Variants in FER1L6 observed in about 807,000 individuals in gnomAD.
The protein encoded by FER1L6 is fer-1-like protein 6.
FER1L6 carries 177 observed loss-of-function variants against 219.2 expected under a neutral mutation model. The observed-to-expected ratio is 0.81, with a 90% CI of 0.71 to 0.91. The LOEUF is 0.91. FER1L6 is among the 40% of genes least tolerant of loss of function. The pLI, the probability that FER1L6 is intolerant of heterozygous loss-of-function variation, is 0.00. For missense variants in FER1L6, 2,153 were observed against 2,259.9 expected (o/e 0.95, Z 0.96); for synonymous variants, 768 against 824.3 (o/e 0.93, Z 1.17).
At position 123,966,404 on chromosome 8, in the gene FER1L6, C is replaced by T. The variant is rs1815544487; in HGVS notation, c.384+114C>T. On this transcript the variant is annotated intron_variant, in intron 5 of 40. Transcript: ENST00000522917. ...CCCCTCCTGCCTCCCTCCCTGGCCCCCAGTTAAGCCCATGGCAAACTGATT... is the reference window on the plus strand; with the variant it reads ...CCCCTCCTGCCTCCCTCCCTGGCCCTCAGTTAAGCCCATGGCAAACTGATT... 3.0e-6 allele frequency: 4 copies of T among 1,318,888 alleles called. No individual in the cohort carries two copies. In the Admixed American group the frequency reaches 6.4e-5, roughly 21 times the overall value. 81.7% of individuals were successfully genotyped at this position (1,318,888 alleles called of 1,614,324 possible).
intron 2 of FER1L6, among the ~76,000 whole-genome samples, chr8:123,958,654 T>A (rs1350558230): frequency 6.6e-6 from 1 of 151,970 alleles, no homozygotes; most frequent in Non-Finnish European, 1.5e-5. Flanking sequence ...ATTGGGACTA[T>A]GACTGAGGTA....
chr8:123,962,887 C>T (rs976641996), intron 2 of FER1L6, among the ~76,000 whole-genome samples: 9 of 152,164 alleles, frequency 5.9e-5, no homozygotes, highest in Non-Finnish European at 1.3e-4. Flanking sequence ...CTCAGCTTCC[C>T]AAAGTGCTCG....
At chr8:123,918,386 T>C (rs1034171997) in intron 1 of FER1L6, among the ~76,000 whole-genome samples, 1 of 152,184 alleles carries the variant, frequency 6.6e-6, no homozygotes, top group African/African-American at 2.4e-5. Context: ...TTTATTTAAT[T>C]AGTCCCCAGT....
chr8:123,879,061 G>A lies in FER1L6; in HGVS notation c.-8+26876G>A, dbSNP rs72717165. Among the ~76,000 whole-genome samples the A allele has an allele frequency of 7.0e-3, 1,069 of 152,280 alleles. 4 individuals are homozygous for A. Among genetic ancestry groups the A allele is most frequent in the Non-Finnish European group, 1.0e-2 (680 of 68,032 alleles). ...GGATCAAGGAAGGGAGAAAGAAAGT[G>A]CCTAATAATTTTCTTATCGTAAGAT... On this transcript the variant is annotated intron_variant, in intron 1 of 40. Coordinates refer to ENST00000522917, the MANE Select transcript of FER1L6 (RefSeq NM_001039112.2).
At chr8:124,065,089 G>A (rs1196369729) in intron 26 of FER1L6, among the ~76,000 whole-genome samples, 1 of 152,072 alleles carries the variant, frequency 6.6e-6, no homozygotes, top group Admixed American at 6.6e-5. Flanking sequence ...AAAAGAGAAG[G>A]CCATTTTAAG....
intron 1 of FER1L6, among the ~76,000 whole-genome samples, chr8:123,924,182 C>T (rs1431994245): frequency 7.3e-6 from 1 of 137,020 alleles, no homozygotes; most frequent in Non-Finnish European, 1.5e-5. Context: ...TTGCAGTGAA[C>T]TGAGATCGAG....
At chr8:124,078,921 T>C (rs1445979268) in intron 32 of FER1L6, among the ~76,000 whole-genome samples, 1 of 152,204 alleles carries the variant, frequency 6.6e-6, no homozygotes, top group Admixed American at 6.5e-5. Context: ...TCTCACAGTT[T>C]GGGATACTGA....
Position 124,017,426 on chromosome 8 carries a change from T to G in FER1L6, c.1923-202T>G, listed in dbSNP as rs186832677. Among the ~76,000 whole-genome samples, 5 of 152,218 alleles carry G rather than the reference T, an allele frequency of 3.3e-5. No individual in the cohort carries two copies. The South Asian group carries it at 1.0e-3, about 31-fold the overall frequency. ...AAAAATCTGTTCCCCAAAACTAATG[T>G]TGGGTCTGGGCATCATTTCCAGTTA... is the stretch of plus-strand genomic sequence containing the variant. On this transcript the variant is annotated intron_variant, in intron 15 of 40. Transcript: ENST00000522917.
At chr8:123,872,793 G>C (rs894565517) in intron 1 of FER1L6, among the ~76,000 whole-genome samples, 1 of 152,136 alleles carries the variant, frequency 6.6e-6, no homozygotes, top group Non-Finnish European at 1.5e-5. Context: ...CCAACTCCTT[G>C]ACATGTGTAC....
intron 1 of FER1L6, among the ~76,000 whole-genome samples, chr8:123,869,313 C>T (rs534440061): frequency 6.6e-6 from 1 of 152,268 alleles, no homozygotes; most frequent in South Asian, 2.1e-4. Flanking sequence ...AGGTGACTTC[C>T]AAATCTGTAT....
intron 20 of FER1L6, among the ~76,000 whole-genome samples, chr8:124,041,502 G>T (rs1819493250): frequency 6.6e-6 from 1 of 152,158 alleles, no homozygotes; most frequent in Non-Finnish European, 1.5e-5. Context: ...TTTTTGCCAG[G>T]CCACATGCTG....
At chr8:124,018,859 C>T (rs149538160) in intron 16 of FER1L6, among the ~76,000 whole-genome samples, 32 of 152,312 alleles carry the variant, frequency 2.1e-4, no homozygotes, top group African/African-American at 7.5e-4. Context: ...TCAACATTGG[C>T]TCTTTATCTC....
rs1264846364 is a variant in FER1L6, at chr8:123,853,877, C to T, written c.-8+1692C>T. ...CCAGGGACTCTGCAGAGCTGCCAGT[C>T]TCCTGCAACTCCACAGAGCCTGGAC... On this transcript the variant is annotated intron_variant, in intron 1 of 40. Transcript: ENST00000522917. The surrounding 1 kb of genome is among the most constrained non-coding windows in gnomAD (Gnocchi z 6.6). 6.6e-6 allele frequency among the ~76,000 whole-genome samples: 1 copy of T among 152,192 alleles called. No individual in the cohort carries two copies. The highest frequency in any genetic ancestry group is 1.5e-5 in the Non-Finnish European group (1 of 68,048).
chr8:123,942,693 C>A (rs942885678), intron 1 of FER1L6, among the ~76,000 whole-genome samples: 1 of 152,184 alleles, frequency 6.6e-6, no homozygotes, highest in Admixed American at 6.5e-5. Flanking sequence ...CTTAAAAGGT[C>A]ACTTGTCATT....
chr8:123,890,030 A>G (rs1812614150), intron 1 of FER1L6, among the ~76,000 whole-genome samples: 1 of 152,190 alleles, frequency 6.6e-6, no homozygotes, highest in South Asian at 2.1e-4. Flanking sequence ...AACATTGCTC[A>G]TAGTTAAAGC....
At chr8:123,939,984 C>T (rs1348382662) in intron 1 of FER1L6, among the ~76,000 whole-genome samples, 1 of 152,194 alleles carries the variant, frequency 6.6e-6, no homozygotes, top group African/African-American at 2.4e-5. Flanking sequence ...AAAGGCTTTT[C>T]AAGTGTATCA....
chr8:124,097,072 G>GAT (rs565301549), intron 35 of FER1L6, among the ~76,000 whole-genome samples, 199 bp from the exon 36 acceptor site: 2,078 of 146,774 alleles, frequency 0.014, 86 homozygotes, highest in Admixed American at 0.084. Flanking sequence ...AATTCCTAAA[G>GAT]ATATATATAT....
chr8:124,079,150 A>C (rs1821421366), intron 32 of FER1L6, among the ~76,000 whole-genome samples: 1 of 152,066 alleles, frequency 6.6e-6, no homozygotes, highest in African/African-American at 2.4e-5. Context: ...CTCTGTGCCA[A>C]GTTTTCCTCT....
chr8:124,036,209 G>A (rs534475451), intron 19 of FER1L6: 2 of 152,262 alleles, frequency 1.3e-5, no homozygotes, highest in South Asian at 4.1e-4. Context: ...ATTGTCTGTA[G>A]AGTCAGGTCT....
Sources: allele counts gnomAD v4.1 joint callset (sites outside exome capture counted in the v4.1 genomes callset), GRCh38; gene constraint gnomAD v4.1.1; non-coding constraint Gnocchi (gnomAD v3.1); transcripts MANE v1.5; gene names NCBI Gene and HGNC (gene_info 2026-07-23, HGNC 2026-07-21).